The following RHOBTB2 variants were observed in gnomAD, a reference collection of about 807,000 sequenced individuals.
The protein encoded by RHOBTB2 is Rho related BTB domain containing 2, also known as rho-related BTB domain-containing protein 2.
A neutral mutation model predicts 66.5 loss-of-function variants in RHOBTB2; 39 were observed. That is an observed-to-expected ratio of 0.59 (90% CI 0.45 to 0.77). The LOEUF (loss-of-function observed/expected upper bound fraction) is 0.77. Ranked by LOEUF, RHOBTB2 falls within the 30% of genes least tolerant of loss-of-function variation. The probability of loss-of-function intolerance (pLI) is 0.00; values close to 1 mark genes in which losing one functional copy is unlikely to be tolerated. For missense variants in RHOBTB2, 755 were observed against 999.1 expected, an observed-to-expected ratio of 0.76 and a Z score of 3.29; for synonymous variants, 390 against 395.0, an observed-to-expected ratio of 0.99 and a Z score of 0.15.
At chr8:22,988,838 C>G (rs553368655) in intron 1 of RHOBTB2, among the ~76,000 whole-genome samples, 1 of 152,316 alleles carries the variant, frequency 6.6e-6, no homozygotes, top group Admixed American at 6.5e-5. Context: ...ATAACTCAGA[C>G]AAGGGGCTGA....
chr8:23,005,320 G>T (rs1810913712), intron 2 of RHOBTB2, 52 bp from the exon 3 acceptor site: 3 of 1,377,054 alleles, frequency 2.2e-6, no homozygotes, highest in Non-Finnish European at 3.1e-6. Context: ...GTGGCACGCA[G>T]AGGTCCCCAA....
chr8:22,986,293 G>C (rs1318109184), upstream of RHOBTB2, among the ~76,000 whole-genome samples: 2 of 137,274 alleles, frequency 1.5e-5, no homozygotes, highest in African/African-American at 5.5e-5. Context: ...TTTTTTCTGG[G>C]AGACAGGGTC....
intron 1 of RHOBTB2, among the ~76,000 whole-genome samples, chr8:22,989,384 G>A (rs1810368583): frequency 6.6e-6 from 1 of 152,200 alleles, no homozygotes; most frequent in African/African-American, 2.4e-5. Flanking sequence ...CTGGCCTCAA[G>A]CAATCCACCA....
chr8:22,994,598 A>G, upstream of RHOBTB2: 2 of 1,551,136 alleles, frequency 1.3e-6, no homozygotes, highest in Non-Finnish European at 1.7e-6. Flanking sequence ...AAGCCTGGAG[A>G]AAAGGCCCCG....
At chr8:23,003,682 G>C (rs1307313962) in intron 1 of RHOBTB2, among the ~76,000 whole-genome samples, 2 of 152,338 alleles carry the variant, frequency 1.3e-5, no homozygotes, top group East Asian at 1.9e-4. Context: ...GCATCTGAAA[G>C]CTGGACCTGT....
the RHOBTB2 span, among the ~76,000 whole-genome samples, chr8:22,968,874 A>G: frequency 1.3e-5 from 2 of 151,848 alleles, no homozygotes; most frequent in East Asian, 3.8e-4. Flanking sequence ...GGAGAGGGAA[A>G]GGCCTTTCTA....
At chr8:23,014,885 TCA>T in intron 8 of RHOBTB2, 107 bp downstream of exon 8, 1 of 876,522 alleles carries the variant, frequency 1.1e-6, no homozygotes, top group South Asian at 1.5e-5. Flanking sequence ...GGAGAACCTG[TCA>T]TCGGACTGGG....
intron 6 of RHOBTB2, among the ~76,000 whole-genome samples, chr8:23,008,849 A>ACTAGGG (rs1293565921): frequency 6.6e-6 from 1 of 152,104 alleles, no homozygotes; most frequent in African/African-American, 2.4e-5. Context: ...GGGCAGGGGA[A>ACTAGGG]CAGTGGCCTG....
the RHOBTB2 span, among the ~76,000 whole-genome samples, chr8:22,978,359 T>C: frequency 6.6e-6 from 1 of 151,184 alleles, no homozygotes; most frequent in Non-Finnish European, 1.5e-5. Context: ...TGTTGGCGGG[T>C]GCCTGTAGTC....
chr8:22,977,917 G>T, the RHOBTB2 span: 1 of 152,090 alleles, frequency 6.6e-6, no homozygotes, highest in Non-Finnish European at 1.5e-5. Flanking sequence ...CAGCTACTGG[G>T]GAGGCTGGAG....
rs780458025 is a variant in RHOBTB2 at position 23,008,125 on chromosome 8, C to T, written c.1620+14C>T. On this transcript the variant is annotated intron_variant, in intron 6 of 9. Coordinates refer to ENST00000251822, the MANE Select transcript of RHOBTB2 (RefSeq NM_015178.3). ...TCCACCCGGGAGGTAAGGCTGAGGA[C>T]ACAAAGGGGGGAAGGAGGGAGTGAG... The T allele has an allele frequency of 6.4e-6, 10 of 1,557,618 alleles. No homozygotes were observed. Among genetic ancestry groups the T allele is most frequent in the Non-Finnish European group, 8.8e-6 (10 of 1,137,334 alleles).
chr8:22,988,411 C>T (rs1810340376), intron 1 of RHOBTB2, among the ~76,000 whole-genome samples: 1 of 152,028 alleles, frequency 6.6e-6, no homozygotes, highest in Non-Finnish European at 1.5e-5. Context: ...ACCCGCCCAC[C>T]TCGGCCTCCC....
chr8:22,971,470 C>G, the RHOBTB2 span, among the ~76,000 whole-genome samples: 1 of 152,080 alleles, frequency 6.6e-6, no homozygotes, highest in Non-Finnish European at 1.5e-5. Flanking sequence ...GCCACTACAC[C>G]TGGCCCTATC....
At chr8:22,959,239 CT>C in the RHOBTB2 span, among the ~76,000 whole-genome samples, 25 of 70,516 alleles carry the variant, frequency 3.5e-4, no homozygotes, top group Admixed American at 6.1e-4. Context: ...TTTCATTTTT[CT>C]TTTTTTGTTT....
chr8:22,973,100 T>G, the RHOBTB2 span, among the ~76,000 whole-genome samples: 5 of 152,204 alleles, frequency 3.3e-5, no homozygotes, highest in African/African-American at 9.6e-5. Context: ...AGGAAAGTCA[T>G]GTTGGTCCTC....
chr8:22,976,878 G>A, the RHOBTB2 span, among the ~76,000 whole-genome samples: 2 of 151,116 alleles, frequency 1.3e-5, no homozygotes, highest in Non-Finnish European at 2.9e-5. Context: ...CACCGGCCTC[G>A]GCCTCCCAAA....
the RHOBTB2 span, among the ~76,000 whole-genome samples, chr8:22,978,385 G>C: frequency 6.6e-6 from 1 of 151,564 alleles, no homozygotes; most frequent in African/African-American, 2.4e-5. Flanking sequence ...TACTCAGGAG[G>C]CTGAGGCAGG....
rs180749134 is a variant in RHOBTB2, at chr8:23,006,401, A to G, written c.482+256A>G. 1.1e-4 allele frequency: 62 copies of G among 553,496 alleles called. No homozygotes were observed. In the East Asian group the frequency reaches 1.5e-3, roughly 13 times the overall value. 34.3% of individuals were successfully genotyped at this position (553,496 alleles called of 1,614,324 possible). The stretch of plus-strand genomic sequence containing the variant: ...GGTGATATTTGCATGAAAAAGTCCT[A>G]TAATTTTGCTGAGGGATAAACTAAA... On this transcript the variant is annotated intron_variant, in intron 4 of 9. Coordinates refer to ENST00000251822, the MANE Select transcript of RHOBTB2 (RefSeq NM_015178.3). The surrounding 1 kb of genome is among the most constrained non-coding windows in gnomAD (Gnocchi z 6.1).
At chr8:22,990,596 G>A (rs973244528) in intron 1 of RHOBTB2, among the ~76,000 whole-genome samples, 5 of 152,188 alleles carry the variant, frequency 3.3e-5, no homozygotes, top group African/African-American at 1.2e-4. Context: ...CTCTCTGTTG[G>A]CACCTCCCAG....
Sources: gnomAD v4.1 joint callset for allele counts (sites outside exome capture counted in the v4.1 genomes callset) on GRCh38, gnomAD v4.1.1 for gene constraint, Gnocchi (gnomAD v3.1) non-coding constraint, MANE v1.5 for transcripts, NCBI Gene and HGNC (gene_info 2026-07-23, HGNC 2026-07-21) for gene names.